The following PRKN variants were observed in gnomAD, a reference collection of about 807,000 sequenced individuals.
The protein encoded by PRKN is E3 ubiquitin-protein ligase parkin.
PRKN carries 56 observed loss-of-function variants against 59.5 expected under a neutral mutation model. That is an observed-to-expected ratio of 0.94 (90% CI 0.76 to 1.18). The LOEUF is 1.18. PRKN is among the 50% of genes most tolerant of loss of function. PRKN has a pLI of 0.00. For synonymous variants in PRKN, 250 were observed against 222.1 expected (o/e 1.13, Z -1.12); for missense variants, 657 against 596.4 (o/e 1.10, Z -1.06).
intron 2 of PRKN, chr6:162,274,882 C>G (rs1395542058): frequency 6.6e-6 from 1 of 151,860 alleles, no homozygotes; most frequent in African/African-American, 2.4e-5. Flanking sequence ...GAGATCGAGA[C>G]CATCCTGGCT....
At chr6:162,293,248 G>A (rs1781521319) in intron 2 of PRKN, among the ~76,000 whole-genome samples, 1 of 152,134 alleles carries the variant, frequency 6.6e-6, no homozygotes, top group Non-Finnish European at 1.5e-5. Flanking sequence ...AGGCCCTATG[G>A]GCTGATCATC....
At chr6:162,625,804 C>A (rs1782862588) in intron 1 of PRKN, among the ~76,000 whole-genome samples, 1 of 152,032 alleles carries the variant, frequency 6.6e-6, no homozygotes, top group South Asian at 2.1e-4. Flanking sequence ...ATACACATCT[C>A]ATAGTTCCTT....
chr6:161,662,546 G>T (rs901160548), intron 7 of PRKN, among the ~76,000 whole-genome samples: 8 of 152,002 alleles, frequency 5.3e-5, no homozygotes, highest in African/African-American at 1.7e-4. Flanking sequence ...TTGGCTAAGG[G>T]TTGCCTGGTG....
At chr6:161,900,159 A>G (rs1055466635) in intron 6 of PRKN, among the ~76,000 whole-genome samples, 1 of 151,630 alleles carries the variant, frequency 6.6e-6, no homozygotes, top group Non-Finnish European at 1.5e-5. Context: ...GATAATCGGA[A>G]AATTTTAGTG....
intron 1 of PRKN, among the ~76,000 whole-genome samples, chr6:162,475,142 C>T (rs774325979): frequency 7.9e-5 from 12 of 152,096 alleles, no homozygotes; most frequent in East Asian, 3.9e-4. Flanking sequence ...TCAGTCTATA[C>T]GCCCTGAGAG....
chr6:162,088,647 C>T (rs1779353165), intron 4 of PRKN, among the ~76,000 whole-genome samples: 1 of 152,090 alleles, frequency 6.6e-6, no homozygotes, highest in Non-Finnish European at 1.5e-5. Context: ...CCAAGAAAGA[C>T]ACAACCTACC....
chr6:161,947,576 C>T (rs1016192980), intron 6 of PRKN, among the ~76,000 whole-genome samples: 5 of 152,132 alleles, frequency 3.3e-5, no homozygotes, highest in South Asian at 4.1e-4. Flanking sequence ...CTGCCTGGCC[C>T]GAGTCCCACA....
intron 9 of PRKN, among the ~76,000 whole-genome samples, chr6:161,403,758 C>G (rs562035882): frequency 2.0e-4 from 31 of 152,240 alleles, no homozygotes; most frequent in Admixed American, 5.2e-4. Context: ...CACGTGAAGT[C>G]TTTCAGAGGT....
chr6:162,266,298 T>TTGTG (rs60841593), intron 2 of PRKN, among the ~76,000 whole-genome samples: 11,113 of 146,080 alleles, frequency 0.076, 512 homozygotes, highest in Middle Eastern at 0.099. Context: ...TACATATATA[T>TTGTG]TGTGTGTGTG....
At chr6:162,293,880 G>A (rs556386361) in intron 2 of PRKN, among the ~76,000 whole-genome samples, 3 of 152,086 alleles carry the variant, frequency 2.0e-5, no homozygotes, top group South Asian at 2.1e-4. Context: ...GGGTTTCACC[G>A]TGTTAGCCAG....
In PRKN at chr6:161,581,075, C is replaced by CACAA. The variant is rs949539871; in HGVS notation, c.872-11660_872-11659insTTGT. On this transcript the variant is annotated intron_variant, in intron 7 of 11. Coordinates refer to ENST00000366898, the MANE Select transcript of PRKN (RefSeq NM_004562.3). The surrounding 1 kb of genome is among the most constrained non-coding windows in gnomAD (Gnocchi z 4.5). Reference sequence around the variant, plus strand: ...ACACACACACACACACACACACACACAAAATAGCCAGGCGTGGTGGCATGC... The same window carrying CACAA: ...ACACACACACACACACACACACACACACAAAAAATAGCCAGGCGTGGTGGCATGC... Among the ~76,000 whole-genome samples, 1 of 150,674 alleles carries CACAA rather than the reference C, an allele frequency of 6.6e-6. No homozygotes were observed. The highest frequency in any genetic ancestry group is 1.5e-5 in the Non-Finnish European group (1 of 67,702).
At position 161,423,810 on chromosome 6, in the gene PRKN, CTCA is replaced by C. The variant is rs1198208588; in HGVS notation, c.1084-36936_1084-36934del. On this transcript the variant is annotated intron_variant, in intron 9 of 11. Transcript: ENST00000366898. The surrounding 1 kb of genome is among the most constrained non-coding windows in gnomAD (Gnocchi z 5.9). Reference sequence around the variant, plus strand: ...AAGAGGGAGGGGACTCTGCCTAGGTCTCATCATTGTGTATGAATTGACAGAACA... The same window carrying C: ...AAGAGGGAGGGGACTCTGCCTAGGTCTCATTGTGTATGAATTGACAGAACA... Among the ~76,000 whole-genome samples the C allele has an allele frequency of 6.6e-6, 1 of 152,162 alleles. No individual in the cohort carries two copies. The highest frequency in any genetic ancestry group is 1.5e-5 in the Non-Finnish European group (1 of 68,044).
chr6:161,434,961 A>C (rs2115062532), intron 9 of PRKN, among the ~76,000 whole-genome samples: 1 of 152,318 alleles, frequency 6.6e-6, no homozygotes, highest in Admixed American at 6.5e-5. Flanking sequence ...CCTGGGAAGA[A>C]GCCCAACTTC....
chr6:161,798,133 G>A (rs921289522), intron 6 of PRKN, among the ~76,000 whole-genome samples: 6 of 152,254 alleles, frequency 3.9e-5, no homozygotes, highest in South Asian at 2.1e-4. Context: ...CTCAGGAGGC[G>A]GAGGTTGCAG....
intron 1 of PRKN, among the ~76,000 whole-genome samples, chr6:162,695,773 G>GT (rs1161787145): frequency 2.6e-5 from 4 of 152,168 alleles, no homozygotes; most frequent in African/African-American, 9.6e-5. Context: ...GTTGGAAAAT[G>GT]TAAGTTACAA....
intron 6 of PRKN, among the ~76,000 whole-genome samples, chr6:161,944,307 G>C (rs998199884): frequency 6.6e-6 from 1 of 152,204 alleles, no homozygotes; most frequent in African/African-American, 2.4e-5. Context: ...GCTTGACAAA[G>C]GTTTGGAGGA....
At chr6:162,541,114 C>T (rs997692820) in intron 1 of PRKN, among the ~76,000 whole-genome samples, 43 of 152,160 alleles carry the variant, frequency 2.8e-4, no homozygotes, top group Admixed American at 1.6e-3. Flanking sequence ...TTTTCAAACA[C>T]GGAGTCCCTC....
At chr6:161,706,809 C>T (rs956646860) in intron 7 of PRKN, among the ~76,000 whole-genome samples, 4 of 152,254 alleles carry the variant, frequency 2.6e-5, no homozygotes, top group South Asian at 4.1e-4. Context: ...CTAACCGCCT[C>T]GGCCTCCTAA....
At chr6:161,358,815 G>A (rs1368051332) in intron 11 of PRKN, among the ~76,000 whole-genome samples, 1 of 57,820 alleles carries the variant, frequency 1.7e-5, no homozygotes, top group Non-Finnish European at 3.4e-5. Context: ...TTTTTTTTGA[G>A]ATGGAGTCTC....
Sources: allele counts gnomAD v4.1 joint callset (sites outside exome capture counted in the v4.1 genomes callset), GRCh38; gene constraint gnomAD v4.1.1; non-coding constraint Gnocchi (gnomAD v3.1); transcripts MANE v1.5; gene names NCBI Gene and HGNC (gene_info 2026-07-23, HGNC 2026-07-21).